Variants in CIT observed in about 807,000 individuals in gnomAD.
CIT encodes the protein citron rho-interacting serine/threonine kinase, also known as citron Rho-interacting kinase.
Under a neutral mutation model 272.7 loss-of-function variants are expected in CIT, and 79 were observed. The ratio of observed to expected loss-of-function variants is 0.29; its 90% confidence interval spans 0.24 to 0.35. The LOEUF is 0.35. Ranked by LOEUF, CIT falls within the 10% of genes least tolerant of loss-of-function variation. The pLI, the probability that CIT is intolerant of heterozygous loss-of-function variation, is 1.00. For missense variants in CIT, 1,909 were observed against 2,618.3 expected (o/e 0.73, Z 5.91); for synonymous variants, 948 against 995.6 (o/e 0.95, Z 0.90).
rs183887122 is a variant in CIT, at chr12:119,779,495, T to C, written c.1666-2653A>G. Reference sequence around the variant, plus strand: ...CTTCTGATGAAAAAATTAAAACATTTTGTGAGACCCTAAAAGTAAAGTGGT... The same window carrying C: ...CTTCTGATGAAAAAATTAAAACATTCTGTGAGACCCTAAAAGTAAAGTGGT... On this transcript the variant is annotated intron_variant, in intron 13 of 47. Coordinates refer to ENST00000392521, the MANE Select transcript of CIT (RefSeq NM_001206999.2). 1.2e-4 allele frequency among the ~76,000 whole-genome samples: 18 copies of C among 152,286 alleles called. No individual in the cohort carries two copies. The East Asian group carries it at 3.3e-3, about 28-fold the overall frequency.
intron 40 of CIT, among the ~76,000 whole-genome samples, chr12:119,705,406 G>A (rs1956817569): frequency 6.6e-6 from 1 of 152,162 alleles, no homozygotes; most frequent in Admixed American, 6.5e-5. Flanking sequence ...AAGGTCAGCA[G>A]CTGGTACAGT....
chr12:119,858,192 C>T (rs1194405699), intron 3 of CIT, among the ~76,000 whole-genome samples: 1 of 152,120 alleles, frequency 6.6e-6, no homozygotes, highest in African/African-American at 2.4e-5. Flanking sequence ...TCCATAAAGC[C>T]TTCGTAGATC....
At chr12:119,858,029 T>C (rs751072507) in intron 3 of CIT, among the ~76,000 whole-genome samples, 4 of 152,242 alleles carry the variant, frequency 2.6e-5, no homozygotes, top group Admixed American at 6.5e-5. Context: ...TGGTCAAGCA[T>C]GCTTATTAGC....
intron 12 of CIT, 195 bp from the exon 13 acceptor site, chr12:119,782,832 C>A (rs1163973998): frequency 7.4e-6 from 4 of 541,562 alleles, no homozygotes; most frequent in Non-Finnish European, 1.2e-5. Flanking sequence ...AACATCATCT[C>A]AACCTGGTGA....
intron 47 of CIT, among the ~76,000 whole-genome samples, chr12:119,689,660 G>A (rs1565887324): frequency 7.5e-6 from 1 of 132,808 alleles, no homozygotes; most frequent in Non-Finnish European, 1.6e-5. Context: ...ATTTGCTTAG[G>A]AAGCTCTTTT....
intron 13 of CIT, among the ~76,000 whole-genome samples, chr12:119,780,001 AG>A (rs1272129708): frequency 6.6e-6 from 1 of 152,224 alleles, no homozygotes; most frequent in Non-Finnish European, 1.5e-5. Flanking sequence ...AAAGACTGGT[AG>A]GTGTGAGTCA....
At chr12:119,731,728 T>A (rs79205225) in intron 26 of CIT, among the ~76,000 whole-genome samples, 1 of 151,450 alleles carries the variant, frequency 6.6e-6, no homozygotes, top group African/African-American at 2.4e-5. Flanking sequence ...AATGCTATGA[T>A]CTCCATAAAA....
intron 9 of CIT, among the ~76,000 whole-genome samples, chr12:119,813,224 T>G (rs867703535): frequency 3.7e-4 from 57 of 152,324 alleles, no homozygotes; most frequent in African/African-American, 1.3e-3. Context: ...TAAGTCAGAA[T>G]TTTGAAGTGC....
Position 119,708,339 on chromosome 12 carries a change from C to A in CIT, c.5072-21G>T. ...TTCTCCTGAACAGGAAAAGGAACAA[C>A]CTCTCGTCAGTGTGAAGCCGTTAAG... On this transcript the variant is annotated intron_variant, in intron 39 of 47. Transcript: ENST00000392521. 4 of 1,551,936 alleles carry A rather than the reference C, an allele frequency of 2.6e-6. No homozygotes were observed. The Middle Eastern group carries it at 5.1e-4, about 199-fold the overall frequency.
chr12:119,715,568 T>G (rs1593451816), intron 32 of CIT, among the ~76,000 whole-genome samples: 1 of 151,406 alleles, frequency 6.6e-6, no homozygotes, highest in African/African-American at 2.4e-5. Flanking sequence ...GTGTATGGAG[T>G]ATTTTTTGGG....
chr12:119,697,671 G>A lies in CIT; in HGVS notation c.5870C>T (p.Ser1957Phe), dbSNP rs763871703. ...ESGTEHHRGP[S>F]TSRSSPNKRG... ...AGAAGCTGGTTACCTGCGGGAGGTG[G>A]ACGGGCCCCGGTGGTGTTCAGTGCC... is the stretch of plus-strand genomic sequence containing the variant. Residue 1957 changes from serine to phenylalanine, a missense_variant, in exon 46 of 48, where the codon TCC becomes TTC. Physicochemically the swap from Ser to Phe is radical, Grantham distance 155. Transcript: ENST00000392521. The surrounding 1 kb of genome is among the most constrained non-coding windows in gnomAD (Gnocchi z 4.9). 7.4e-6 allele frequency: 12 copies of A among 1,613,770 alleles called. No individual in the cohort carries two copies. In the African/African-American group the frequency reaches 1.6e-4, roughly 22 times the overall value.
chr12:119,808,735 G>A (rs746558398), intron 9 of CIT, among the ~76,000 whole-genome samples: 12 of 152,256 alleles, frequency 7.9e-5, no homozygotes, highest in Non-Finnish European at 1.6e-4. Flanking sequence ...GTTCAACTTC[G>A]TTCTCTCTAC....
chr12:119,709,172 T>C (rs1330864931), intron 39 of CIT, among the ~76,000 whole-genome samples: 7 of 152,230 alleles, frequency 4.6e-5, no homozygotes, highest in African/African-American at 1.7e-4. Flanking sequence ...AATTATAGTA[T>C]GTGAAACTAT....
In CIT at chr12:119,726,385, A is replaced by ATTTTTTTTTTTTTTTTTTTTTTTTTTTTT. The variant is rs3999547; in HGVS notation, c.3591+2116_3591+2117insAAAAAAAAAAAAAAAAAAAAAAAAAAAAA. Among the ~76,000 whole-genome samples, 5 of 101,418 alleles carry ATTTTTTTTTTTTTTTTTTTTTTTTTTTTT rather than the reference A, an allele frequency of 4.9e-5. 2 individuals are homozygous for ATTTTTTTTTTTTTTTTTTTTTTTTTTTTT. 66.5% of individuals were successfully genotyped at this position (101,418 alleles called of 152,430 possible). A position where few individuals can be genotyped will look rare whatever the true frequency, so the allele number is the denominator to read the frequency against. The stretch of plus-strand genomic sequence containing the variant: ...AACTGCACACCACCACACTTGGCTA[A>ATTTTTTTTTTTTTTTTTTTTTTTTTTTTT]TTTTTTTTTTTTTTTTTTTTTTTTT... On this transcript the variant is annotated intron_variant, in intron 28 of 47. Transcript: ENST00000392521.
chr12:119,708,615 A>G (rs1956997727), intron 39 of CIT, among the ~76,000 whole-genome samples: 1 of 151,918 alleles, frequency 6.6e-6, no homozygotes, highest in Non-Finnish European at 1.5e-5. Context: ...CCTCCTGAGT[A>G]GCTGGGATTA....
Position 119,697,910 on chromosome 12 carries a change from A to G in CIT, c.5702+66T>C. On this transcript the variant is annotated intron_variant, in intron 45 of 47. Coordinates refer to ENST00000392521, the MANE Select transcript of CIT (RefSeq NM_001206999.2). The surrounding 1 kb of genome is among the most constrained non-coding windows in gnomAD (Gnocchi z 4.9). Reference sequence around the variant, plus strand: ...ATTGCTAGGCAAGTTAGGAAGGAACATGCGGCCGGCCCCAACACCTACCCC... The same window carrying G: ...ATTGCTAGGCAAGTTAGGAAGGAACGTGCGGCCGGCCCCAACACCTACCCC... 6.2e-7 allele frequency: 1 copy of G among 1,612,848 alleles called. No homozygotes were observed. Among genetic ancestry groups the G allele is most frequent in the East Asian group, 2.2e-5 (1 of 44,854 alleles).
Position 119,832,776 on chromosome 12 carries a change from T to G in CIT, c.748A>C (p.Lys250Gln). The G allele has an allele frequency of 1.2e-6, 2 of 1,612,430 alleles. No individual in the cohort carries two copies. Among genetic ancestry groups the G allele is most frequent in the Non-Finnish European group, 1.7e-6 (2 of 1,178,420 alleles). ...TATCTTATTCCATTTTTTACCATCT[T>G]GTTTGAATTCATTTTCGCGGCAGAT... ...FGSAAKMNSN[K>Q]MVNAKLPIGT... Residue 250 changes from lysine to glutamine, a missense_variant, in exon 7 of 48, where the codon AAG (lysine) becomes CAG (glutamine). This residue lies in a region of CIT where 529 missense variants were observed against 549.6 expected (regional missense o/e 0.96). Transcript: ENST00000392521.
intron 7 of CIT, among the ~76,000 whole-genome samples, chr12:119,831,715 A>G (rs2138111768): frequency 6.6e-6 from 1 of 152,188 alleles, no homozygotes; most frequent in South Asian, 2.1e-4. Context: ...TAAAAATACA[A>G]AAAATTAGCT....
At chr12:119,740,107 G>T (rs895605319) in intron 24 of CIT, among the ~76,000 whole-genome samples, 1 of 152,148 alleles carries the variant, frequency 6.6e-6, no homozygotes, top group East Asian at 1.9e-4. Context: ...CTGAAATGTG[G>T]GTGAAGGGCA....
Sources: gnomAD v4.1 joint callset for allele counts (sites outside exome capture counted in the v4.1 genomes callset) on GRCh38, gnomAD v4.1.1 for gene constraint, gnomAD v4.1.1 regional missense constraint, Gnocchi (gnomAD v3.1) non-coding constraint, MANE v1.5 for transcripts, NCBI Gene and HGNC (gene_info 2026-07-23, HGNC 2026-07-21) for gene names.